The following TTI1 variants were observed in gnomAD, a reference collection of about 807,000 sequenced individuals.
TTI1 encodes TELO2 interacting protein 1.
TTI1 carries 52 observed loss-of-function variants against 85.4 expected under a neutral mutation model. That is an observed-to-expected ratio of 0.61 (90% CI 0.49 to 0.77). The LOEUF is 0.77. Ranked by LOEUF, TTI1 falls within the 30% of genes least tolerant of loss-of-function variation. The pLI is 0.00. For missense variants in TTI1, 1,173 were observed against 1,296.0 expected (o/e 0.91, Z 1.46); for synonymous variants, 512 against 503.9 (o/e 1.02, Z -0.22).
intron 5 of TTI1, among the ~76,000 whole-genome samples, chr20:37,998,543 A>C (rs1020418033): frequency 1.3e-5 from 2 of 152,214 alleles, no homozygotes; most frequent in African/African-American, 4.8e-5. Context: ...TAAATAAGCT[A>C]AAATATCCGT....
intron 7 of TTI1, chr20:37,987,110 A>C (rs1459136115): frequency 4.4e-6 from 2 of 453,634 alleles, no homozygotes; most frequent in Non-Finnish European, 8.9e-6. Context: ...TCCAAACCGC[A>C]CCCTTGTTGG....
intron 3 of TTI1, among the ~76,000 whole-genome samples, chr20:38,005,017 T>C (rs1424519599): frequency 6.6e-6 from 1 of 152,156 alleles, no homozygotes; most frequent in Non-Finnish European, 1.5e-5. Context: ...TAAATCATTA[T>C]TTGGGCCCTG....
At chr20:38,020,514 A>C (rs995052714) in intron 1 of TTI1, among the ~76,000 whole-genome samples, 1 of 151,382 alleles carries the variant, frequency 6.6e-6, no homozygotes, top group East Asian at 1.9e-4. Context: ...GACTACCTTA[A>C]AATTTAAGAA....
intron 1 of TTI1, among the ~76,000 whole-genome samples, 182 bp downstream of exon 1, chr20:38,033,222 G>A (rs953078335): frequency 6.6e-6 from 1 of 152,150 alleles, no homozygotes; most frequent in Non-Finnish European, 1.5e-5. Context: ...AGTGTTTTGG[G>A]GGACAGCCAG....
In TTI1 at chr20:38,013,674, A is replaced by G. The variant is rs2073638723; in HGVS notation, c.143T>C (p.Leu48Pro). ...CAGAGGGAAGAGGATGTACTGCTGA[A>G]GTTCCTGAAGGGCACTGTCACTCAC... Reference protein sequence around the residue: ...QAVSDSALQELQQYILFPLRF... With the variant: ...QAVSDSALQEPQQYILFPLRF... Residue 48 changes from leucine (L) to proline (P), a missense_variant, in exon 2 of 8, where the codon CTT becomes CCT. Physicochemically the swap from Leu to Pro is moderately conservative, Grantham distance 98 (BLOSUM62 -3). Transcript: ENST00000373447. 6.2e-7 allele frequency: 1 copy of G among 1,614,070 alleles called. No individual in the cohort carries two copies. The highest frequency in any genetic ancestry group is 1.3e-5 in the African/African-American group (1 of 74,926).
chr20:38,001,781 C>G (rs191336047), intron 4 of TTI1, among the ~76,000 whole-genome samples: 1 of 152,028 alleles, frequency 6.6e-6, no homozygotes, highest in Non-Finnish European at 1.5e-5. Flanking sequence ...TGCAATGGCA[C>G]GATCTTGGCT....
Position 38,006,220 on chromosome 20 carries a change from A to C in TTI1, c.2480T>G (p.Val827Gly), listed in dbSNP as rs1284284350. The change falls in exon 3 of 8, where the codon GTC (valine) becomes GGC (glycine). Residue 827 changes from valine (V) to glycine (G), a missense_variant. Coordinates refer to ENST00000373447, the MANE Select transcript of TTI1 (RefSeq NM_001303457.2). The part of the protein sequence containing the change: ...LKEKDVADGN[V>G]SDFDNEEEEQ... ...ACCTTCTTCATTATCAAAATCCGAG[A>C]CATTTCCATCTGCCACATCCTTCTC... 2 of 1,614,062 alleles carry C rather than the reference A, an allele frequency of 1.2e-6. No homozygotes were observed. The highest frequency in any genetic ancestry group is 3.3e-5 in the Admixed American group (2 of 60,000).
Position 37,993,923 on chromosome 20 carries a change from CTGT to C in TTI1, c.3086+2449_3086+2451del, listed in dbSNP as rs568605383. On this transcript the variant is annotated intron_variant, in intron 7 of 7. Transcript: ENST00000373447. ...CTGGAAGTGGGACCAGTGGTGAGGT[CTGT>C]TGTTCTGGTGGGAGATGATGGTGGC... 7.8e-4 allele frequency among the ~76,000 whole-genome samples: 119 copies of C among 152,292 alleles called. 1 individual carries two copies. Among genetic ancestry groups the C allele is most frequent in the African/African-American group, 2.6e-3 (109 of 41,572 alleles).
chr20:38,032,031 T>C (rs1470160620), intron 1 of TTI1, among the ~76,000 whole-genome samples: 2 of 152,228 alleles, frequency 1.3e-5, no homozygotes, highest in African/African-American at 2.4e-5. Context: ...ATACTCACTG[T>C]ATGATTTTAG....
At chr20:38,030,528 A>AC (rs2073892896) in intron 1 of TTI1, among the ~76,000 whole-genome samples, 2 of 144,840 alleles carry the variant, frequency 1.4e-5, no homozygotes, top group Non-Finnish European at 3.0e-5. Context: ...CAGTATGTAA[A>AC]ACACACACAC....
In TTI1 at chr20:38,006,445, A is replaced by G. The variant is rs1600629299; in HGVS notation, c.2303-48T>C. On this transcript the variant is annotated intron_variant, in intron 2 of 7. Coordinates refer to ENST00000373447, the MANE Select transcript of TTI1 (RefSeq NM_001303457.2). ...ATCACCTTGGCTATTAACAACAGGC[A>G]TGAGTACTTTATACACAGAATAAGC... 3 of 1,600,926 alleles carry G rather than the reference A, an allele frequency of 1.9e-6. No individual in the cohort carries two copies. In the African/African-American group the frequency reaches 4.0e-5, roughly 21 times the overall value.
Position 37,996,462 on chromosome 20 carries a change from C to T in TTI1, c.2999G>A (p.Gly1000Asp). The change falls in exon 7 of 8, where the codon GGT becomes GAT. Residue 1000 changes from glycine to aspartate, a missense_variant and splice_region_variant. By Grantham distance (94) the Gly-to-Asp change is moderately conservative (BLOSUM62 -1). Transcript: ENST00000373447. ...LGPLCERLDL[G>D]EGDLNKVADA... ...AGCCACTTTATTCAGGTCACCCTCA[C>T]CTGCAGAAAAGAAAAACAAAACAAG... 6.2e-7 allele frequency: 1 copy of T among 1,613,460 alleles called. No homozygotes were observed. Among genetic ancestry groups the T allele is most frequent in the Non-Finnish European group, 8.5e-7 (1 of 1,179,992 alleles).
At position 37,983,243 on chromosome 20, in the gene TTI1, G is replaced by C. The variant is rs1457047286; in HGVS notation, c.*213C>G. ...TTAGAGCCACCAGACAATGTCACTT[G>C]ACAACACAAGGTATGAAACATAAAT... On this transcript the variant is annotated 3_prime_UTR_variant, in exon 8 of 8. Coordinates refer to ENST00000373447, the MANE Select transcript of TTI1 (RefSeq NM_001303457.2). The C allele has an allele frequency of 5.6e-6, 3 of 533,638 alleles. No individual in the cohort carries two copies. Among genetic ancestry groups the C allele is most frequent in the Non-Finnish European group, 9.8e-6 (3 of 305,020 alleles). 33.1% of individuals were successfully genotyped at this position (533,638 alleles called of 1,614,324 possible).
chr20:37,991,005 T>C (rs2073256829), intron 7 of TTI1, among the ~76,000 whole-genome samples: 1 of 152,216 alleles, frequency 6.6e-6, no homozygotes, highest in South Asian at 2.1e-4. Flanking sequence ...CCCACTTTGT[T>C]TGTAATCTGC....
chr20:38,032,914 T>C (rs1170869478), intron 1 of TTI1, among the ~76,000 whole-genome samples: 10 of 152,102 alleles, frequency 6.6e-5, no homozygotes, highest in Admixed American at 6.5e-4. Context: ...CTCCACCTTT[T>C]CCCTAAAGTT....
chr20:38,013,297 C>G lies in TTI1; in HGVS notation c.520G>C (p.Ala174Pro). The G allele has an allele frequency of 1.9e-6, 3 of 1,614,064 alleles. No individual in the cohort carries two copies. The highest frequency in any genetic ancestry group is 2.5e-6 in the Non-Finnish European group (3 of 1,180,042). ...AGTAGAACCTGTAAACATTTTAAGG[C>G]AGCAATTTTAATTTGCTTTGATTTC... ...QEKSKQIKIA[A>P]LKCLQVLLLQ... The change falls in exon 2 of 8, where the codon GCC becomes CCC. Residue 174 changes from alanine (A) to proline (P), a missense_variant. By Grantham distance (27) the Ala-to-Pro change is conservative. Coordinates refer to ENST00000373447, the MANE Select transcript of TTI1 (RefSeq NM_001303457.2).
chr20:38,017,412 G>C (rs1407841861), intron 1 of TTI1, among the ~76,000 whole-genome samples: 3 of 150,598 alleles, frequency 2.0e-5, no homozygotes, highest in Non-Finnish European at 3.0e-5. Context: ...GCTTGTGTGT[G>C]TGTGTGTGTG....
intron 1 of TTI1, among the ~76,000 whole-genome samples, chr20:38,017,495 G>A (rs919153515): frequency 6.6e-6 from 1 of 151,862 alleles, no homozygotes; most frequent in Non-Finnish European, 1.5e-5. Flanking sequence ...TCCTGGACGT[G>A]GGCTTGGGAT....
chr20:37,999,235 G>T lies in TTI1; in HGVS notation c.2746C>A (p.His916Asn). Residue 916 changes from histidine (H) to asparagine (N), a missense_variant, in exon 5 of 8, where the codon CAC (histidine) becomes AAC (asparagine). Coordinates refer to ENST00000373447, the MANE Select transcript of TTI1 (RefSeq NM_001303457.2). ...AGGGGGGCGTCCCGTGTGAGTCGGTGAACGAGCGAGGGCCAGGCCTGATGA... is the reference window on the plus strand; with the variant it reads ...AGGGGGGCGTCCCGTGTGAGTCGGTTAACGAGCGAGGGCCAGGCCTGATGA... ...LAHQAWPSLVHRLTRDAPLAV... is the reference protein window; with the variant it reads ...LAHQAWPSLVNRLTRDAPLAV... 1 of 1,521,422 alleles carries T rather than the reference G, an allele frequency of 6.6e-7. No individual in the cohort carries two copies. Among genetic ancestry groups the T allele is most frequent in the Non-Finnish European group, 8.8e-7 (1 of 1,132,166 alleles). 94.2% of individuals were successfully genotyped at this position (1,521,422 alleles called of 1,614,324 possible).
Sources: allele counts gnomAD v4.1 joint callset (sites outside exome capture counted in the v4.1 genomes callset), GRCh38; gene constraint gnomAD v4.1.1; transcripts MANE v1.5; gene names NCBI Gene and HGNC (gene_info 2026-07-23, HGNC 2026-07-21).